CRAMP1: variants seen among roughly 807,000 people sequenced by gnomAD.
CRAMP1 encodes cramped chromatin regulator 1.
CRAMP1 carries 50 observed loss-of-function variants against 115.4 expected under a neutral mutation model. The observed-to-expected ratio is 0.43, with a 90% CI of 0.35 to 0.55. The LOEUF (loss-of-function observed/expected upper bound fraction) is 0.55. Ranked by LOEUF, CRAMP1 falls within the 20% of genes least tolerant of loss-of-function variation. CRAMP1 has a pLI of 0.01. For missense variants in CRAMP1, 1,679 were observed against 1,721.7 expected (o/e 0.98, Z 0.44); for synonymous variants, 866 against 745.4 (o/e 1.16, Z -2.64).
rs192443385 is a variant in CRAMP1, at chr16:1,654,296, C to G, written c.1038-923C>G. ...GCGCAGTCTCGGCTCACTGCAACCT[C>G]CGTCTCCCACGTTTAAGTGATTCTC... On this transcript the variant is annotated intron_variant, in intron 8 of 20. Coordinates refer to ENST00000397412, the MANE Select transcript of CRAMP1 (RefSeq NM_020825.4). Among the ~76,000 whole-genome samples, 389 of 151,450 alleles carry G rather than the reference C, an allele frequency of 2.6e-3. 4 individuals are homozygous for G. The highest frequency in any genetic ancestry group is 8.9e-3 in the African/African-American group (369 of 41,296).
At chr16:1,639,731 C>G (rs996958363) in intron 5 of CRAMP1, among the ~76,000 whole-genome samples, 1 of 152,138 alleles carries the variant, frequency 6.6e-6, no homozygotes, top group Non-Finnish European at 1.5e-5. Context: ...GAGATACTTT[C>G]AATTTCCCAT....
rs1222213932 is a variant in CRAMP1 at position 1,655,939 on chromosome 16, G to A, written c.1182G>A (p.Val394=). The change falls in exon 10 of 21, where the codon GTG becomes GTA. Residue 394 remains valine (V), a synonymous_variant. Coordinates refer to ENST00000397412, the MANE Select transcript of CRAMP1 (RefSeq NM_020825.4). The part of the protein sequence containing the change: ...DSCSAPMQEK[V]TLHLFPGENC... ...GCTCCGCACCGATGCAGGAGAAGGT[G>A]ACACTGCACTTGTTCCCAGGCGAGA... 3 of 1,613,148 alleles carry A rather than the reference G, an allele frequency of 1.9e-6. No individual in the cohort carries two copies. In the East Asian group the frequency reaches 6.7e-5, roughly 36 times the overall value.
chr16:1,667,479 C>G, intron 17 of CRAMP1, 79 bp downstream of exon 17: 1 of 1,130,924 alleles, frequency 8.8e-7, no homozygotes, highest in Non-Finnish European at 1.3e-6. Flanking sequence ...CACCTGCAGT[C>G]TTGGAGTGGC....
At chr16:1,623,519 C>T (rs538082628) in intron 2 of CRAMP1, among the ~76,000 whole-genome samples, 20 of 152,316 alleles carry the variant, frequency 1.3e-4, no homozygotes, top group African/African-American at 4.8e-4. Flanking sequence ...TTCAAATATA[C>T]CTAATGCCAA....
At chr16:1,646,761 CCT>C (rs1370850971) in intron 6 of CRAMP1, among the ~76,000 whole-genome samples, 1 of 152,134 alleles carries the variant, frequency 6.6e-6, no homozygotes, top group Non-Finnish European at 1.5e-5. Flanking sequence ...GAGATGTGCC[CCT>C]GTGTTTTCTT....
At chr16:1,657,218 C>T (rs1255840516) in intron 10 of CRAMP1, among the ~76,000 whole-genome samples, 1 of 152,242 alleles carries the variant, frequency 6.6e-6, no homozygotes, top group Non-Finnish European at 1.5e-5. Context: ...TTTCCTCTCC[C>T]TCGAGGAGGG....
Position 1,614,766 on chromosome 16 carries a change from A to G in CRAMP1, c.127A>G (p.Ser43Gly). 2 of 1,363,936 alleles carry G rather than the reference A, an allele frequency of 1.5e-6. No homozygotes were observed. The highest frequency in any genetic ancestry group is 1.9e-5 in the South Asian group (1 of 53,128). The allele number at this position is 1,363,936 out of a possible 1,614,324, so 84.5% of individuals were successfully genotyped here. A position where few individuals can be genotyped will look rare whatever the true frequency, so the allele number is the denominator to read the frequency against. ...AGGADAAEES[S>G]GTKRDEKTPR... ...CGGCGCAGACGCGGCCGAGGAGAGC[A>G]GCGGCACAAAGAGGGACGAGAAGAC... Residue 43 changes from serine (S) to glycine (G), a missense_variant, in exon 2 of 21, where the codon AGC (serine) becomes GGC (glycine). This residue lies in a region of CRAMP1 where 264 missense variants were observed against 229.7 expected (regional missense o/e 1.15). Transcript: ENST00000397412. The surrounding 1 kb of genome is among the most constrained non-coding windows in gnomAD (Gnocchi z 4.4).
chr16:1,640,055 C>T (rs8050199), intron 5 of CRAMP1, among the ~76,000 whole-genome samples: 12,919 of 152,188 alleles, frequency 0.085, 643 homozygotes, highest in African/African-American at 0.13. Context: ...TTTCCGCAAC[C>T]GGTTCCTTTC....
chr16:1,647,145 G>A (rs904592099), intron 6 of CRAMP1: 14 of 689,496 alleles, frequency 2.0e-5, no homozygotes, highest in East Asian at 1.9e-4. Flanking sequence ...ACTTGCTGTC[G>A]CCTCTACCTC....
chr16:1,667,976 C>T lies in CRAMP1; in HGVS notation c.3117C>T (p.Leu1039=), dbSNP rs1310147248. The change falls in exon 18 of 21, where the codon CTC becomes CTT. Residue 1039 remains leucine (L), a synonymous_variant. Coordinates refer to ENST00000397412, the MANE Select transcript of CRAMP1 (RefSeq NM_020825.4). ...VADSFQGSSV[L]SLSELPKAPL... is the part of the protein sequence containing the mutation. Reference sequence around the variant, plus strand: ...TCTCCCAGCAGGGCTCATCTGTTCTCTCCTTATCTGAGCTGCCCAAGGCCC... The same window carrying T: ...TCTCCCAGCAGGGCTCATCTGTTCTTTCCTTATCTGAGCTGCCCAAGGCCC... The T allele has an allele frequency of 2.5e-6, 4 of 1,609,740 alleles. No homozygotes were observed. The highest frequency in any genetic ancestry group is 2.5e-6 in the Non-Finnish European group (3 of 1,177,376).
intron 2 of CRAMP1, chr16:1,620,671 CTA>C (rs1445391466): frequency 8.8e-6 from 4 of 456,774 alleles, no homozygotes; most frequent in African/African-American, 2.0e-5. Flanking sequence ...CTCTGGCTGT[CTA>C]TTAGCCGCGT....
At chr16:1,665,690 G>C (rs2036868535) in intron 14 of CRAMP1, 1 of 238,796 alleles carries the variant, frequency 4.2e-6, no homozygotes, top group African/African-American at 2.3e-5. Context: ...ATTTTCAACT[G>C]TGGGAAGCCT....
chr16:1,648,999 C>T (rs2036700246), intron 6 of CRAMP1, among the ~76,000 whole-genome samples: 3 of 151,510 alleles, frequency 2.0e-5, no homozygotes, highest in Admixed American at 1.3e-4. Flanking sequence ...GCGGAGCTTG[C>T]AGTGAGCTGA....
Position 1,626,175 on chromosome 16 carries a change from G to C in CRAMP1, c.540+9G>C, listed in dbSNP as rs2036506640. Reference sequence around the variant, plus strand: ...TCGAGGGGCTGTACGAGGTGAGTAGGCTGTGGAGGCACGGCCAGGCAGCCT... The same window carrying C: ...TCGAGGGGCTGTACGAGGTGAGTAGCCTGTGGAGGCACGGCCAGGCAGCCT... On this transcript the variant is annotated intron_variant, in intron 3 of 20. Coordinates refer to ENST00000397412, the MANE Select transcript of CRAMP1 (RefSeq NM_020825.4). The C allele has an allele frequency of 6.8e-7, 1 of 1,477,520 alleles. No homozygotes were observed. The highest frequency in any genetic ancestry group is 9.0e-7 in the Non-Finnish European group (1 of 1,107,422). The allele number at this position is 1,477,520 out of a possible 1,614,324, so 91.5% of individuals were successfully genotyped here.
At chr16:1,633,223 G>A (rs1166895427) in intron 4 of CRAMP1, among the ~76,000 whole-genome samples, 2 of 152,228 alleles carry the variant, frequency 1.3e-5, no homozygotes, top group Non-Finnish European at 2.9e-5. Flanking sequence ...CTCTGGGTGG[G>A]TTATGGCATC....
intron 3 of CRAMP1, among the ~76,000 whole-genome samples, chr16:1,627,733 C>A (rs568348031): frequency 6.6e-6 from 1 of 152,270 alleles, no homozygotes; most frequent in South Asian, 2.1e-4. Flanking sequence ...TAAACACATT[C>A]GTGTGTTCCT....
intron 8 of CRAMP1, 117 bp downstream of exon 8, chr16:1,653,273 T>C: frequency 8.1e-7 from 1 of 1,231,150 alleles, no homozygotes; most frequent in East Asian, 2.5e-5. Flanking sequence ...CTATGCTCTG[T>C]CATCACACGA....
chr16:1,659,973 G>T lies in CRAMP1; in HGVS notation c.2323G>T (p.Val775Phe). The T allele has an allele frequency of 6.2e-7, 1 of 1,608,772 alleles. No individual in the cohort carries two copies. Among genetic ancestry groups the T allele is most frequent in the Non-Finnish European group, 8.5e-7 (1 of 1,179,790 alleles). ...SMTPPGKVVT[V>F]SSRSPRCPRN... ...GACGCCCCCAGGGAAGGTGGTGACC[G>T]TCAGCTCTCGCAGCCCCCGCTGCCC... is the stretch of plus-strand genomic sequence containing the variant. The change falls in exon 11 of 21, where the codon GTC becomes TTC. Residue 775 changes from valine (V) to phenylalanine (F), a missense_variant. Val to Phe is a conservative substitution (Grantham distance 50). Transcript: ENST00000397412.
chr16:1,626,502 G>T (rs2036509459), intron 3 of CRAMP1, among the ~76,000 whole-genome samples: 1 of 151,966 alleles, frequency 6.6e-6, no homozygotes. Context: ...CCTTTGTGCT[G>T]AGTGGGCTGA....
Sources: gnomAD v4.1 joint callset for allele counts (sites outside exome capture counted in the v4.1 genomes callset) on GRCh38, gnomAD v4.1.1 for gene constraint, gnomAD v4.1.1 regional missense constraint, Gnocchi (gnomAD v3.1) non-coding constraint, MANE v1.5 for transcripts, NCBI Gene and HGNC (gene_info 2026-07-23, HGNC 2026-07-21) for gene names.